Variants in MTBP observed in about 807,000 individuals in gnomAD.
The protein encoded by MTBP is mdm2-binding protein.
In MTBP, 101 loss-of-function variants were observed where a neutral mutation model predicts 117.0. The observed-to-expected ratio is 0.86, with a 90% CI of 0.73 to 1.02. MTBP has a LOEUF of 1.02. MTBP is among the 50% of genes least tolerant of loss of function. MTBP has a pLI of 0.00. For missense variants in MTBP, 970 were observed against 1,030.9 expected (o/e 0.94, Z 0.81); for synonymous variants, 350 against 351.5 (o/e 1.00, Z 0.05).
chr8:120,469,650 C>T (rs779425243), intron 10 of MTBP, among the ~76,000 whole-genome samples: 2 of 152,188 alleles, frequency 1.3e-5, no homozygotes, highest in Non-Finnish European at 2.9e-5. Flanking sequence ...AAGAAAATTA[C>T]TCACATTTGT....
At chr8:120,448,729 A>C (rs764408678) in intron 2 of MTBP, among the ~76,000 whole-genome samples, 128 of 152,198 alleles carry the variant, frequency 8.4e-4, no homozygotes, top group Admixed American at 2.3e-3. Context: ...AATTTGAACC[A>C]GGTTGTTGGG....
At position 120,502,486 on chromosome 8, in the gene MTBP, C is replaced by T; in HGVS notation, c.1610-6C>T. 6.4e-7 allele frequency: 1 copy of T among 1,552,824 alleles called. No homozygotes were observed. The highest frequency in any genetic ancestry group is 8.7e-7 in the Non-Finnish European group (1 of 1,144,124). On this transcript the variant is annotated splice_region_variant and splice_polypyrimidine_tract_variant and intron_variant, in intron 14 of 21. Coordinates refer to ENST00000305949, the MANE Select transcript of MTBP (RefSeq NM_022045.5). The stretch of plus-strand genomic sequence containing the variant: ...TTCAGACTTATGTGTATTTCTTTCA[C>T]TTTAGATTTTAGTCCAGTGGAACCT...
intron 11 of MTBP, among the ~76,000 whole-genome samples, chr8:120,482,606 A>G (rs1814109259): frequency 6.6e-6 from 1 of 152,206 alleles, no homozygotes; most frequent in Non-Finnish European, 1.5e-5. Flanking sequence ...ATTGTTTAAA[A>G]TAGTCATGGT....
At chr8:120,451,548 A>C (rs1180882737) in intron 4 of MTBP, 2 of 431,386 alleles carry the variant, frequency 4.6e-6, no homozygotes, top group Non-Finnish European at 8.3e-6. Context: ...ATATTTTAAT[A>C]AACATGTTCC....
At chr8:120,487,045 GT>G (rs1814236499) in intron 11 of MTBP, among the ~76,000 whole-genome samples, 1 of 152,154 alleles carries the variant, frequency 6.6e-6, no homozygotes, top group African/African-American at 2.4e-5. Context: ...TTTTAAAGTG[GT>G]AAGCATTCAC....
At chr8:120,451,541 T>G in intron 4 of MTBP, 1 of 450,416 alleles carries the variant, frequency 2.2e-6, no homozygotes, top group Non-Finnish European at 4.0e-6. Context: ...AAAAGTGATA[T>G]TTTAATAAAC....
intron 9 of MTBP, among the ~76,000 whole-genome samples, chr8:120,463,473 C>T (rs537806574): frequency 1.3e-5 from 2 of 151,994 alleles, no homozygotes; most frequent in African/African-American, 4.8e-5. Flanking sequence ...TAGTAATGCT[C>T]TATATAGTAG....
At chr8:120,500,167 G>C (rs1423425109) in intron 14 of MTBP, among the ~76,000 whole-genome samples, 1 of 151,636 alleles carries the variant, frequency 6.6e-6, no homozygotes, top group African/African-American at 2.4e-5. Context: ...CTATTTCTGT[G>C]TTTCCTGTAA....
intron 15 of MTBP, among the ~76,000 whole-genome samples, chr8:120,503,537 G>A (rs994736479): frequency 1.3e-5 from 2 of 152,098 alleles, no homozygotes; most frequent in Non-Finnish European, 2.9e-5. Flanking sequence ...GAGACCTAAC[G>A]GATAAATGGG....
intron 11 of MTBP, among the ~76,000 whole-genome samples, chr8:120,475,211 T>C (rs926020394): frequency 2.6e-5 from 4 of 151,980 alleles, no homozygotes; most frequent in African/African-American, 9.7e-5. Flanking sequence ...CCAGCCCATC[T>C]AAAGTTACAA....
At chr8:120,479,852 T>C (rs1156674700) in intron 11 of MTBP, among the ~76,000 whole-genome samples, 1 of 152,082 alleles carries the variant, frequency 6.6e-6, no homozygotes, top group African/African-American at 2.4e-5. Flanking sequence ...ACTAAGAATA[T>C]CTGAAATGCT....
chr8:120,446,123 G>A (rs545272083), intron 1 of MTBP, among the ~76,000 whole-genome samples: 1 of 152,288 alleles, frequency 6.6e-6, no homozygotes, highest in Admixed American at 6.5e-5. Flanking sequence ...GATCAAACAG[G>A]CATTTTGAGG....
rs542334277 is a variant in MTBP at position 120,488,649 on chromosome 8, G to A, written c.1339+317G>A. 1.1e-4 allele frequency among the ~76,000 whole-genome samples: 17 copies of A among 151,710 alleles called. No individual in the cohort carries two copies. The South Asian group carries it at 1.5e-3, about 13-fold the overall frequency. On this transcript the variant is annotated intron_variant, in intron 12 of 21. Coordinates refer to ENST00000305949, the MANE Select transcript of MTBP (RefSeq NM_022045.5). ...TATATTTCCCATTTTCATTTATATC[G>A]TCTGAAGCCACATGTTCTATTTTAT...
rs548227465 is a variant in MTBP at position 120,458,554 on chromosome 8, A to G, written c.748-661A>G. On this transcript the variant is annotated intron_variant, in intron 7 of 21. Coordinates refer to ENST00000305949, the MANE Select transcript of MTBP (RefSeq NM_022045.5). ...TGCTAAGGATCTAGTAAAGAATAAG[A>G]TAGAGCCAGGTGCGGTGGCTCACAC... is the stretch of plus-strand genomic sequence containing the variant. 5.7e-4 allele frequency among the ~76,000 whole-genome samples: 87 copies of G among 152,198 alleles called. 1 individual carries two copies. In the South Asian group the frequency reaches 0.018, roughly 31 times the overall value.
At chr8:120,476,640 C>T (rs183930888) in intron 11 of MTBP, among the ~76,000 whole-genome samples, 15 of 151,758 alleles carry the variant, frequency 9.9e-5, no homozygotes, top group Admixed American at 7.9e-4. Context: ...CATGAATGAA[C>T]TCCAATTCAC....
chr8:120,483,670 TTA>T (rs1452100221), intron 11 of MTBP, among the ~76,000 whole-genome samples: 1 of 152,178 alleles, frequency 6.6e-6, no homozygotes, highest in Non-Finnish European at 1.5e-5. Flanking sequence ...TTATTGTGGT[TTA>T]TGTGTTATCT....
chr8:120,515,485 C>T (rs1814900277), intron 17 of MTBP, among the ~76,000 whole-genome samples: 1 of 151,940 alleles, frequency 6.6e-6, no homozygotes, highest in African/African-American at 2.4e-5. Context: ...GTTTGGTGAG[C>T]CAGTTTAGAA....
intron 8 of MTBP, 36 bp downstream of exon 8, chr8:120,459,385 G>A (rs916462225): frequency 6.4e-7 from 1 of 1,566,606 alleles, no homozygotes; most frequent in African/African-American, 1.4e-5. Context: ...GATCATTCAT[G>A]TGTATTTTTG....
At chr8:120,498,074 T>A (rs1338590846) in intron 14 of MTBP, among the ~76,000 whole-genome samples, 1 of 152,212 alleles carries the variant, frequency 6.6e-6, no homozygotes, top group Non-Finnish European at 1.5e-5. Context: ...TGAATTTGAA[T>A]AACCTTGTTT....
Sources: gnomAD v4.1 joint callset for allele counts (sites outside exome capture counted in the v4.1 genomes callset) on GRCh38, gnomAD v4.1.1 for gene constraint, MANE v1.5 for transcripts, NCBI Gene and HGNC (gene_info 2026-07-23, HGNC 2026-07-21) for gene names.